Variants in STPG4 observed in about 807,000 individuals in gnomAD.
The protein encoded by STPG4 is sperm-tail PG-rich repeat containing 4.
A neutral mutation model predicts 31.5 loss-of-function variants in STPG4; 41 were observed. The ratio of observed to expected loss-of-function variants is 1.30; its 90% CI spans 1.01 to 1.69. The LOEUF (loss-of-function observed/expected upper bound fraction) is 1.69. Ranked by LOEUF, STPG4 falls within the 40% of genes most tolerant of loss-of-function variation. The pLI is 0.00. For missense variants in STPG4, 375 were observed against 293.4 expected (o/e 1.28, Z -2.03); for synonymous variants, 141 against 103.0 (o/e 1.37, Z -2.24).
Position 47,155,234 on chromosome 2 carries a change from G to A in STPG4, c.18C>T (p.Val6=), listed in dbSNP as rs1363389608. Residue 6 remains valine, a synonymous_variant, in exon 1 of 7, where the codon GTC becomes GTT. Coordinates refer to ENST00000445927, the MANE Select transcript of STPG4 (RefSeq NM_001163561.2). ...CCCTTATTGAGGTGGAAGCGGTGGC[G>A]ACGGCTGGCTGGTCCATGGTGGCCT... MDQPA[V]ATASTSIRED... is the part of the protein sequence containing the mutation. 3.7e-6 allele frequency: 6 copies of A among 1,614,098 alleles called. No individual in the cohort carries two copies. Among genetic ancestry groups the A allele is most frequent in the South Asian group, 1.1e-5 (1 of 91,084 alleles).
At chr2:47,093,976 C>T (rs1464115873) in intron 5 of STPG4, among the ~76,000 whole-genome samples, 2 of 152,300 alleles carry the variant, frequency 1.3e-5, no homozygotes, top group African/African-American at 4.8e-5. Context: ...ACAGATGGCT[C>T]GGGATGTGCC....
At chr2:47,105,542 G>A (rs1276288834) in intron 5 of STPG4, among the ~76,000 whole-genome samples, 1 of 152,044 alleles carries the variant, frequency 6.6e-6, no homozygotes, top group Non-Finnish European at 1.5e-5. Context: ...GAACATGACT[G>A]CCAACAAATT....
chr2:47,135,461 A>G (rs920845305), intron 3 of STPG4, among the ~76,000 whole-genome samples: 39 of 152,128 alleles, frequency 2.6e-4, no homozygotes, highest in African/African-American at 9.2e-4. Flanking sequence ...ATTTCAGCTC[A>G]CTGCAACCTG....
chr2:47,129,659 G>A, intron 5 of STPG4: 2 of 314,178 alleles, frequency 6.4e-6, no homozygotes, highest in East Asian at 6.3e-5. Context: ...CCAGGGGATG[G>A]GGGAGGGTAG....
intron 5 of STPG4, among the ~76,000 whole-genome samples, chr2:47,111,768 G>A (rs1686040152): frequency 6.6e-6 from 1 of 151,954 alleles, no homozygotes; most frequent in Non-Finnish European, 1.5e-5. Context: ...ACTTTCCTAT[G>A]GACAAAAAAA....
chr2:47,122,031 A>G (rs113163108), intron 5 of STPG4, among the ~76,000 whole-genome samples: 8 of 152,140 alleles, frequency 5.3e-5, no homozygotes, highest in African/African-American at 1.9e-4. Context: ...GGGGGCTATA[A>G]TTTAGCCTTC....
intron 3 of STPG4, among the ~76,000 whole-genome samples, chr2:47,142,132 A>C (rs1322305642): frequency 6.6e-6 from 1 of 151,906 alleles, no homozygotes; most frequent in African/African-American, 2.4e-5. Context: ...ACAGCTAGCA[A>C]AGATCAGTGA....
At chr2:47,133,046 T>G (rs1194445147) in intron 3 of STPG4, among the ~76,000 whole-genome samples, 1 of 152,234 alleles carries the variant, frequency 6.6e-6, no homozygotes, top group East Asian at 1.9e-4. Flanking sequence ...AAGTGTTGAA[T>G]AGTCAGCTGC....
intron 6 of STPG4, among the ~76,000 whole-genome samples, chr2:47,088,470 C>T (rs1193347492): frequency 6.6e-6 from 1 of 152,208 alleles, no homozygotes; most frequent in Non-Finnish European, 1.5e-5. Flanking sequence ...AGTCCCACAA[C>T]CAACAGCTCA....
At chr2:47,094,001 T>G (rs1685623461) in intron 5 of STPG4, among the ~76,000 whole-genome samples, 1 of 152,168 alleles carries the variant, frequency 6.6e-6, no homozygotes, top group African/African-American at 2.4e-5. Context: ...CTGAACCCAG[T>G]TCAATAGGAG....
At chr2:47,102,608 G>T (rs2103741952) in intron 5 of STPG4, among the ~76,000 whole-genome samples, 1 of 151,864 alleles carries the variant, frequency 6.6e-6, no homozygotes, top group South Asian at 2.1e-4. Context: ...CCCACAGGAG[G>T]ACCCCTCAGC....
chr2:47,132,851 T>C (rs1026120906), intron 3 of STPG4, among the ~76,000 whole-genome samples: 15 of 152,062 alleles, frequency 9.9e-5, no homozygotes, highest in African/African-American at 3.6e-4. Flanking sequence ...CTTAAAGCAG[T>C]CATTTATTTA....
intron 5 of STPG4, among the ~76,000 whole-genome samples, chr2:47,124,061 C>A (rs577726065): frequency 3.7e-4 from 56 of 152,274 alleles, no homozygotes; most frequent in African/African-American, 1.2e-3. Flanking sequence ...CAGCTCACTG[C>A]AACCTCTGCC....
intron 5 of STPG4, among the ~76,000 whole-genome samples, chr2:47,101,787 G>C (rs115217506): frequency 0.055 from 8,307 of 151,774 alleles, 408 homozygotes; most frequent in African/African-American, 0.11. Context: ...CTATTCATGA[G>C]CAAAGGTGTC....
At chr2:47,114,889 T>A (rs759599006) in intron 5 of STPG4, among the ~76,000 whole-genome samples, 1 of 152,172 alleles carries the variant, frequency 6.6e-6, no homozygotes, top group Non-Finnish European at 1.5e-5. Context: ...TGCCTCAGCA[T>A]CCTAAGTAGC....
chr2:47,153,034 G>C lies in STPG4; in HGVS notation c.82-18C>G, dbSNP rs112521810. Reference sequence around the variant, plus strand: ...GCTGGTTTCTGTTAACAAACACAAAGTATGCTTATTCATTTGAGAGGTGAT... The same window carrying C: ...GCTGGTTTCTGTTAACAAACACAAACTATGCTTATTCATTTGAGAGGTGAT... On this transcript the variant is annotated intron_variant, in intron 1 of 6. Transcript: ENST00000445927. 2 of 1,590,204 alleles carry C rather than the reference G, an allele frequency of 1.3e-6. No homozygotes were observed. Among genetic ancestry groups the C allele is most frequent in the African/African-American group, 1.3e-5 (1 of 74,286 alleles).
chr2:47,109,055 G>C (rs1474908540), intron 5 of STPG4, among the ~76,000 whole-genome samples: 1 of 152,212 alleles, frequency 6.6e-6, no homozygotes. Flanking sequence ...TAATTTGGAA[G>C]GTTTCTGTCA....
At chr2:47,087,192 G>A (rs1162715003) in intron 6 of STPG4, 62 bp from the exon 7 acceptor site, 3 of 1,535,890 alleles carry the variant, frequency 2.0e-6, no homozygotes, top group African/African-American at 1.4e-5. Context: ...TGAGGCTCCT[G>A]TGCCTAGCCA....
At chr2:47,104,991 C>T (rs920759511) in intron 5 of STPG4, among the ~76,000 whole-genome samples, 5 of 151,836 alleles carry the variant, frequency 3.3e-5, no homozygotes, top group African/African-American at 7.3e-5. Context: ...TATGGATCCC[C>T]GGATACAGTG....
Sources: allele counts gnomAD v4.1 joint callset (sites outside exome capture counted in the v4.1 genomes callset), GRCh38; gene constraint gnomAD v4.1.1; transcripts MANE v1.5; gene names NCBI Gene and HGNC (gene_info 2026-07-23, HGNC 2026-07-21).